DPP8: variants seen among roughly 807,000 people sequenced by gnomAD.
DPP8 encodes dipeptidyl peptidase 8.
In DPP8, 31 loss-of-function variants were observed where a neutral mutation model predicts 107.5. That is an observed-to-expected ratio of 0.29 (90% CI 0.22 to 0.39). The LOEUF is 0.39. Among genes scored for constraint, DPP8 ranks in the 10% least tolerant of loss-of-function variants. The probability of loss-of-function intolerance (pLI) is 1.00; values close to 1 mark genes in which losing one functional copy is unlikely to be tolerated. For synonymous variants in DPP8, 381 were observed against 356.6 expected (o/e 1.07, Z -0.77); for missense variants, 842 against 1,076.1 (o/e 0.78, Z 3.04).
At chr15:65,509,498 T>C (rs909275776) in intron 2 of DPP8, among the ~76,000 whole-genome samples, 1 of 152,198 alleles carries the variant, frequency 6.6e-6, no homozygotes, top group South Asian at 2.1e-4. Flanking sequence ...ATGGTATTTA[T>C]TGGTCTTTAG....
chr15:65,508,294 A>G (rs888691790), intron 2 of DPP8, among the ~76,000 whole-genome samples: 2 of 152,148 alleles, frequency 1.3e-5, no homozygotes, highest in African/African-American at 2.4e-5. Flanking sequence ...AGGGTTTCCA[A>G]TAAAACTATA....
At chr15:65,465,569 CT>C (rs556724106) in intron 14 of DPP8, among the ~76,000 whole-genome samples, 399 of 128,462 alleles carry the variant, frequency 3.1e-3, no homozygotes, top group Admixed American at 3.3e-3. Flanking sequence ...CCAGTCCATT[CT>C]TTTTTTTTTT....
chr15:65,459,947 T>C (rs2064772752), intron 15 of DPP8, among the ~76,000 whole-genome samples: 1 of 151,084 alleles, frequency 6.6e-6, no homozygotes, highest in South Asian at 2.1e-4. Flanking sequence ...ACAGCGAGAC[T>C]CCATCTCAAA....
At chr15:65,471,027 A>T (rs555735445) in intron 12 of DPP8, among the ~76,000 whole-genome samples, 2 of 152,308 alleles carry the variant, frequency 1.3e-5, no homozygotes, top group African/African-American at 4.8e-5. Context: ...CAAGTAGTAG[A>T]TGTTTAGGTG....
At chr15:65,504,327 C>T (rs1381613671) in intron 3 of DPP8, among the ~76,000 whole-genome samples, 2 of 144,694 alleles carry the variant, frequency 1.4e-5, no homozygotes, top group Non-Finnish European at 3.0e-5. Flanking sequence ...CGTGCCATTG[C>T]ACTCCAGCCT....
At chr15:65,473,319 C>A in intron 12 of DPP8, among the ~76,000 whole-genome samples, 1 of 138,548 alleles carries the variant, frequency 7.2e-6, no homozygotes. Flanking sequence ...AGTGAGACTC[C>A]ATCTCCAAAA....
intron 8 of DPP8, among the ~76,000 whole-genome samples, chr15:65,482,900 T>C (rs778195640): frequency 2.0e-5 from 3 of 150,740 alleles, no homozygotes; most frequent in Non-Finnish European, 4.4e-5. Flanking sequence ...ATCGAGACCA[T>C]CCTGGCTAAC....
At chr15:65,511,487 A>C (rs962816657) in intron 2 of DPP8, among the ~76,000 whole-genome samples, 5 of 151,996 alleles carry the variant, frequency 3.3e-5, no homozygotes, top group Non-Finnish European at 7.4e-5. Flanking sequence ...CTATTAAAAA[A>C]AAAACAAAAC....
intron 6 of DPP8, among the ~76,000 whole-genome samples, chr15:65,489,056 G>A (rs2067730318): frequency 6.6e-6 from 1 of 152,126 alleles, no homozygotes; most frequent in African/African-American, 2.4e-5. Flanking sequence ...CACCTCCCGG[G>A]TTCAATTGAT....
At chr15:65,448,896 ATATATATATATATATATATATATATATT>A (rs1420071999) in intron 19 of DPP8, among the ~76,000 whole-genome samples, 9 of 80,598 alleles carry the variant, frequency 1.1e-4, no homozygotes, top group African/African-American at 4.7e-4. Context: ...ATATATATAT[ATATATATATATATATATATATATATATT>A]TAGCCTGGGT....
chr15:65,481,481 T>C (rs2066919684), intron 9 of DPP8, 34 bp downstream of exon 9: 4 of 1,365,312 alleles, frequency 2.9e-6, no homozygotes, highest in Admixed American at 2.1e-5. Context: ...GATCCTAAAT[T>C]AGTTATAAAG....
chr15:65,484,395 A>C (rs1265480648), intron 8 of DPP8, among the ~76,000 whole-genome samples: 1 of 151,892 alleles, frequency 6.6e-6, no homozygotes. Flanking sequence ...TCAGGAGTAT[A>C]GGGTATCTTT....
At position 65,468,705 on chromosome 15, in the gene DPP8, A is replaced by T. The variant is rs189886202; in HGVS notation, c.1537-1482T>A. On this transcript the variant is annotated intron_variant, in intron 12 of 19. Coordinates refer to ENST00000300141, the MANE Select transcript of DPP8 (RefSeq NM_130434.5). ...AGAAAGCATACAAATGATAGGAAAC[A>T]AATATTCATGAAACTTTACAAGTAC... Among the ~76,000 whole-genome samples, 361 of 152,300 alleles carry T rather than the reference A, an allele frequency of 2.4e-3. 1 individual carries two copies. The highest frequency in any genetic ancestry group is 4.2e-3 in the Non-Finnish European group (289 of 68,018).
rs1472282361 is a variant in DPP8, at chr15:65,444,587, TC to T, written c.*2296del. 6.6e-6 allele frequency: 1 copy of T among 152,182 alleles called. No individual in the cohort carries two copies. Among genetic ancestry groups the T allele is most frequent in the East Asian group, 1.9e-4 (1 of 5,198 alleles). 9.4% of individuals were successfully genotyped at this position (152,182 alleles called of 1,614,324 possible). A position where few individuals can be genotyped will look rare whatever the true frequency, so the allele number is the denominator to read the frequency against. On this transcript the variant is annotated 3_prime_UTR_variant, in exon 20 of 20. Transcript: ENST00000300141. ...ACTGTCTTTCTGTAAGAGAATTCAT[TC>T]AGGTATTTTTTCCTGCTAAAGAAGC...
rs1437174008 is a variant in DPP8 at position 65,467,164 on chromosome 15, T to C, written c.1596A>G (p.Leu532=). ...VYFEGTKDSP[L]EHHLYVVSYV... ...AACTGACTACGTACAGGTGATGCTC[T>C]AAAGGGGAGTCTTTGGTGCCTTCAA... Residue 532 remains leucine, a synonymous_variant, in exon 13 of 20, where the codon TTA becomes TTG. Coordinates refer to ENST00000300141, the MANE Select transcript of DPP8 (RefSeq NM_130434.5). 1.2e-6 allele frequency: 2 copies of C among 1,614,128 alleles called. No individual in the cohort carries two copies. The highest frequency in any genetic ancestry group is 2.2e-5 in the South Asian group (2 of 91,084).
chr15:65,481,640 T>G, intron 8 of DPP8, 25 bp from the exon 9 acceptor site: 1 of 1,240,576 alleles, frequency 8.1e-7, no homozygotes, highest in Non-Finnish European at 1.1e-6. Context: ...AAAAAAAGAA[T>G]CTAGTTATAG....
intron 12 of DPP8, among the ~76,000 whole-genome samples, chr15:65,471,283 A>G (rs968984205): frequency 6.6e-6 from 1 of 152,158 alleles, no homozygotes; most frequent in African/African-American, 2.4e-5. Flanking sequence ...ATATAACAAG[A>G]AGGCCACTTG....
chr15:65,455,173 T>G (rs2064307549), intron 16 of DPP8, among the ~76,000 whole-genome samples: 1 of 152,194 alleles, frequency 6.6e-6, no homozygotes, highest in South Asian at 2.1e-4. Context: ...CACTCTGCTG[T>G]CCAGGTTGGA....
chr15:65,485,045 G>T, intron 8 of DPP8, 54 bp downstream of exon 8: 2 of 1,373,858 alleles, frequency 1.5e-6, no homozygotes, highest in South Asian at 1.2e-5. Context: ...ACCCTACTGG[G>T]CTGAATAGAT....
Sources: allele counts gnomAD v4.1 joint callset (sites outside exome capture counted in the v4.1 genomes callset), GRCh38; gene constraint gnomAD v4.1.1; transcripts MANE v1.5; gene names NCBI Gene and HGNC (gene_info 2026-07-23, HGNC 2026-07-21).